MARK1: variants seen among roughly 807,000 people sequenced by gnomAD.
The protein encoded by MARK1 is microtubule affinity regulating kinase 1.
A neutral mutation model predicts 96.3 loss-of-function variants in MARK1; 40 were observed. The ratio of observed to expected loss-of-function variants is 0.42; its 90% confidence interval spans 0.32 to 0.54. The LOEUF (loss-of-function observed/expected upper bound fraction) is 0.54. Among genes scored for constraint, MARK1 ranks in the 20% least tolerant of loss-of-function variants. The pLI is 0.16. For synonymous variants in MARK1, 317 were observed against 341.2 expected, an observed-to-expected ratio of 0.93 and a Z score of 0.78; for missense variants, 719 against 984.6, an observed-to-expected ratio of 0.73 and a Z score of 3.61.
chr1:220,583,171 G>A (rs112886618), intron 3 of MARK1, among the ~76,000 whole-genome samples: 84 of 152,256 alleles, frequency 5.5e-4, no homozygotes, highest in Middle Eastern at 6.8e-3. Flanking sequence ...ACTCATAAAA[G>A]GCAGGTAATT....
intron 9 of MARK1, among the ~76,000 whole-genome samples, chr1:220,620,183 T>C (rs1223708711): frequency 6.6e-6 from 1 of 152,220 alleles, no homozygotes; most frequent in Non-Finnish European, 1.5e-5. Context: ...TTATAGCTTA[T>C]GAGTTTTGTG....
Position 220,535,282 on chromosome 1 carries a change from G to A in MARK1, c.51+6409G>A, listed in dbSNP as rs1660607107. 2.0e-5 allele frequency among the ~76,000 whole-genome samples: 3 copies of A among 151,942 alleles called. No individual in the cohort carries two copies. In the South Asian group the frequency reaches 6.2e-4, roughly 32 times the overall value. ...TTATAGCTATCCTAACAGTTGTAAAGTAAATATCTTACTGTGGTTTTGATT... is the reference window on the plus strand; with the variant it reads ...TTATAGCTATCCTAACAGTTGTAAAATAAATATCTTACTGTGGTTTTGATT... On this transcript the variant is annotated intron_variant, in intron 1 of 17. Transcript: ENST00000366917.
At chr1:220,655,383 A>G (rs2103064822) in intron 16 of MARK1, among the ~76,000 whole-genome samples, 1 of 152,280 alleles carries the variant, frequency 6.6e-6, no homozygotes, top group African/African-American at 2.4e-5. Flanking sequence ...ACTGCTGCTC[A>G]GCCTCTCCAC....
rs1170965078 is a variant in MARK1 at position 220,558,253 on chromosome 1, G to C, written c.52-21101G>C. 2.0e-5 allele frequency among the ~76,000 whole-genome samples: 3 copies of C among 150,782 alleles called. No individual in the cohort carries two copies. In the East Asian group the frequency reaches 5.8e-4, roughly 29 times the overall value. On this transcript the variant is annotated intron_variant, in intron 1 of 17. Coordinates refer to ENST00000366917, the MANE Select transcript of MARK1 (RefSeq NM_018650.5). ...GTTATTGGGGAGGAGGATGGAAATG[G>C]ACTATTTTATTATGCATTATGCATT...
At chr1:220,534,294 A>G (rs1371248087) in intron 1 of MARK1, among the ~76,000 whole-genome samples, 1 of 152,120 alleles carries the variant, frequency 6.6e-6, no homozygotes, top group Non-Finnish European at 1.5e-5. Context: ...TTTTCATTAT[A>G]CTAGCAACAT....
At chr1:220,595,304 A>G (rs1294516135) in intron 3 of MARK1, among the ~76,000 whole-genome samples, 1 of 152,216 alleles carries the variant, frequency 6.6e-6, no homozygotes, top group Non-Finnish European at 1.5e-5. Flanking sequence ...CAGTGAATGC[A>G]GCTGTCCCTC....
intron 11 of MARK1, among the ~76,000 whole-genome samples, chr1:220,634,398 G>T (rs1667834719): frequency 6.6e-6 from 1 of 152,036 alleles, no homozygotes; most frequent in Non-Finnish European, 1.5e-5. Context: ...CCCCACCCCT[G>T]CCCTACCCCA....
chr1:220,535,331 T>C (rs942907728), intron 1 of MARK1, among the ~76,000 whole-genome samples: 2 of 152,188 alleles, frequency 1.3e-5, no homozygotes, highest in Non-Finnish European at 2.9e-5. Flanking sequence ...TGATTTGTGA[T>C]GTTCACCGTC....
At chr1:220,536,402 T>C (rs895005670) in intron 1 of MARK1, among the ~76,000 whole-genome samples, 1 of 136,012 alleles carries the variant, frequency 7.4e-6, no homozygotes, top group Non-Finnish European at 1.6e-5. Context: ...AGTTGTGGGC[T>C]TTTTTTTTTT....
At chr1:220,626,145 G>A in intron 9 of MARK1, 1 of 612,584 alleles carries the variant, frequency 1.6e-6, no homozygotes, top group East Asian at 3.9e-5. Context: ...ATTGGGCTGG[G>A]GGCCTGAACC....
chr1:220,541,378 A>G (rs1230323978), intron 1 of MARK1, among the ~76,000 whole-genome samples: 1 of 152,052 alleles, frequency 6.6e-6, no homozygotes, highest in Non-Finnish European at 1.5e-5. Flanking sequence ...AGAAGAATTT[A>G]TATTGTGCTG....
intron 1 of MARK1, among the ~76,000 whole-genome samples, chr1:220,576,132 A>G (rs1663829909): frequency 6.8e-6 from 1 of 146,974 alleles, no homozygotes; most frequent in African/African-American, 2.5e-5. Context: ...TAAAATAACG[A>G]TAGCATTGTG....
intron 13 of MARK1, among the ~76,000 whole-genome samples, chr1:220,649,175 T>C (rs1415619711): frequency 6.6e-6 from 1 of 152,166 alleles, no homozygotes; most frequent in Non-Finnish European, 1.5e-5. Context: ...AGTTTCATAA[T>C]GCGTCTGCAT....
chr1:220,529,499 G>T (rs1660162965), intron 1 of MARK1, among the ~76,000 whole-genome samples: 1 of 152,182 alleles, frequency 6.6e-6, no homozygotes, highest in South Asian at 2.1e-4. Flanking sequence ...AGCATCTATG[G>T]CCCTGGGGTT....
At chr1:220,640,241 A>G (rs1244670859) in intron 13 of MARK1, among the ~76,000 whole-genome samples, 1 of 152,266 alleles carries the variant, frequency 6.6e-6, no homozygotes, top group Non-Finnish European at 1.5e-5. Flanking sequence ...TCTGATGGAA[A>G]AAGAAATAGT....
At chr1:220,649,127 A>G (rs1332087568) in intron 13 of MARK1, among the ~76,000 whole-genome samples, 1 of 152,198 alleles carries the variant, frequency 6.6e-6, no homozygotes, top group Non-Finnish European at 1.5e-5. Context: ...TGAAATACGG[A>G]TGACATTTCT....
At chr1:220,601,348 G>T (rs1665738759) in intron 5 of MARK1, among the ~76,000 whole-genome samples, 1 of 143,660 alleles carries the variant, frequency 7.0e-6, no homozygotes, top group Non-Finnish European at 1.5e-5. Flanking sequence ...ATATTTCAGT[G>T]TAGGTTCTTT....
chr1:220,561,549 C>A (rs987543571), intron 1 of MARK1, among the ~76,000 whole-genome samples: 1 of 152,068 alleles, frequency 6.6e-6, no homozygotes, highest in African/African-American at 2.4e-5. Context: ...TAAAAAGTTA[C>A]AAAGAACAAG....
At chr1:220,533,943 C>G (rs910498766) in intron 1 of MARK1, among the ~76,000 whole-genome samples, 10 of 152,028 alleles carry the variant, frequency 6.6e-5, no homozygotes, top group African/African-American at 1.9e-4. Flanking sequence ...ATAACCTATA[C>G]TATAGTTACC....
Sources: gnomAD v4.1 joint callset for allele counts (sites outside exome capture counted in the v4.1 genomes callset) on GRCh38, gnomAD v4.1.1 for gene constraint, MANE v1.5 for transcripts, NCBI Gene and HGNC (gene_info 2026-07-23, HGNC 2026-07-21) for gene names.